Variants in ROBO2 observed in about 807,000 individuals in gnomAD.
ROBO2 encodes the protein roundabout homolog 2.
ROBO2 carries 53 observed loss-of-function variants against 160.8 expected under a neutral mutation model. That is an observed-to-expected ratio of 0.33 (90% CI 0.26 to 0.41). The LOEUF is 0.41. Ranked by LOEUF, ROBO2 falls within the 10% of genes least tolerant of loss-of-function variation. The pLI, the probability that ROBO2 is intolerant of heterozygous loss-of-function variation, is 1.00. For missense variants in ROBO2, 1,577 were observed against 1,722.4 expected, an observed-to-expected ratio of 0.92 and a Z score of 1.49; for synonymous variants, 664 against 611.7, an observed-to-expected ratio of 1.09 and a Z score of -1.26.
At chr3:77,019,558 C>T (rs529941407) in intron 2 of ROBO2, among the ~76,000 whole-genome samples, 40 of 152,130 alleles carry the variant, frequency 2.6e-4, no homozygotes, top group African/African-American at 9.2e-4. Context: ...CTTCATGAGC[C>T]GATGGGCCTT....
At chr3:77,349,287 A>G (rs1333287222) in intron 2 of ROBO2, among the ~76,000 whole-genome samples, 1 of 152,212 alleles carries the variant, frequency 6.6e-6, no homozygotes, top group East Asian at 1.9e-4. Context: ...GAAGGCAATT[A>G]TACATCTTGC....
chr3:77,621,328 A>C (rs1471070773), intron 22 of ROBO2, among the ~76,000 whole-genome samples: 1 of 152,134 alleles, frequency 6.6e-6, no homozygotes, highest in Non-Finnish European at 1.5e-5. Context: ...TGGGAGACCA[A>C]GGCAGGAGGA....
chr3:77,023,328 G>A (rs1015566804), intron 2 of ROBO2, among the ~76,000 whole-genome samples: 3 of 151,826 alleles, frequency 2.0e-5, no homozygotes, highest in Admixed American at 6.6e-5. Context: ...TCAATTAAAC[G>A]TTTTTTTTCT....
chr3:75,996,171 G>T (rs555782670), intron 2 of ROBO2, among the ~76,000 whole-genome samples: 2 of 152,232 alleles, frequency 1.3e-5, no homozygotes, highest in Admixed American at 1.3e-4. Flanking sequence ...GAAGACAGGG[G>T]CAGAATGATA....
intron 24 of ROBO2, 90 bp from the exon 27 acceptor site, chr3:77,644,614 G>A (rs2095392625): frequency 5.5e-6 from 6 of 1,086,278 alleles, no homozygotes; most frequent in Non-Finnish European, 5.6e-6. Context: ...TGGTAAAGTA[G>A]GCCATTCACA....
intron 2 of ROBO2, among the ~76,000 whole-genome samples, chr3:77,377,497 A>G (rs2072849868): frequency 6.6e-6 from 1 of 152,128 alleles, no homozygotes; most frequent in Non-Finnish European, 1.5e-5. Context: ...ATCCTCATTC[A>G]CTTTATAACT....
At chr3:76,307,121 T>A (rs926902114) in intron 2 of ROBO2, among the ~76,000 whole-genome samples, 112 of 152,344 alleles carry the variant, frequency 7.4e-4, no homozygotes, top group African/African-American at 2.7e-3. Context: ...ACTGCCTTCC[T>A]GGCAGTTCCT....
chr3:76,205,802 C>A (rs1220586921), intron 2 of ROBO2, among the ~76,000 whole-genome samples: 1 of 152,116 alleles, frequency 6.6e-6, no homozygotes, highest in East Asian at 1.9e-4. Flanking sequence ...TCTCCAGTAC[C>A]TCCGTTTGAG....
chr3:77,289,960 C>CTAA (rs2060979803), intron 2 of ROBO2, among the ~76,000 whole-genome samples: 1 of 137,190 alleles, frequency 7.3e-6, no homozygotes, highest in African/African-American at 2.8e-5. Context: ...TAGATCACCC[C>CTAA]AGACATTAAG....
chr3:77,186,945 T>C (rs1220665847), intron 2 of ROBO2, among the ~76,000 whole-genome samples: 1 of 152,014 alleles, frequency 6.6e-6, no homozygotes, highest in African/African-American at 2.4e-5. Context: ...TGATTATAAC[T>C]CACACTTGCG....
In ROBO2 at chr3:77,599,946, T is replaced by C. The variant is rs537859704; in HGVS notation, c.2855-2264T>C. Among the ~76,000 whole-genome samples, 3 of 152,240 alleles carry C rather than the reference T, an allele frequency of 2.0e-5. No homozygotes were observed. In the East Asian group the frequency reaches 5.8e-4, roughly 30 times the overall value. On this transcript the variant is annotated intron_variant, in intron 19 of 25. Transcript: ENST00000461745. ...ACAGTCATTTGTACAGATAATTATA[T>C]AAAACAAAAGGAAATAAATGTGAGT...
chr3:76,564,978 A>G (rs2084422653), intron 2 of ROBO2, among the ~76,000 whole-genome samples: 1 of 152,194 alleles, frequency 6.6e-6, no homozygotes, highest in South Asian at 2.1e-4. Context: ...GATTTTGAAG[A>G]TGAAAAAGAG....
intron 2 of ROBO2, among the ~76,000 whole-genome samples, chr3:76,358,676 AAT>A (rs1336797075): frequency 6.6e-6 from 1 of 152,034 alleles, no homozygotes; most frequent in African/African-American, 2.4e-5. Flanking sequence ...ACATTTGCTC[AAT>A]ATATATGTTT....
chr3:76,786,972 G>A (rs2063022226), intron 2 of ROBO2, among the ~76,000 whole-genome samples: 1 of 151,322 alleles, frequency 6.6e-6, no homozygotes, highest in Non-Finnish European at 1.5e-5. Context: ...TTACAATCAT[G>A]GCAGAAGATT....
At chr3:77,602,306 G>T in exon 20 of ROBO2, 1 of 1,614,076 alleles carries the variant, frequency 6.2e-7, no homozygotes, top group Non-Finnish European at 8.5e-7. Context: ...ACCAAAACCA[G>T]TTACAACAGT....
chr3:76,870,348 C>T (rs936257926), intron 2 of ROBO2, among the ~76,000 whole-genome samples: 4 of 152,178 alleles, frequency 2.6e-5, no homozygotes, highest in Admixed American at 1.3e-4. Context: ...ATTCACACTC[C>T]AGCTCTAGAG....
At chr3:77,639,747 G>T (rs1054156641) in intron 24 of ROBO2, among the ~76,000 whole-genome samples, 1 of 152,042 alleles carries the variant, frequency 6.6e-6, no homozygotes, top group African/African-American at 2.4e-5. Flanking sequence ...CACTGGACGG[G>T]GTGTGTATAT....
At chr3:76,844,621 G>C (rs1041226935) in intron 2 of ROBO2, among the ~76,000 whole-genome samples, 1 of 151,836 alleles carries the variant, frequency 6.6e-6, no homozygotes, top group Non-Finnish European at 1.5e-5. Context: ...TAAATGTTGT[G>C]TTCAAAATCC....
At chr3:76,492,417 G>C (rs1441198031) in intron 2 of ROBO2, among the ~76,000 whole-genome samples, 1 of 152,218 alleles carries the variant, frequency 6.6e-6, no homozygotes, top group Admixed American at 6.5e-5. Context: ...CCATGGTCCA[G>C]TTGCTTTCTA....
Sources: gnomAD v4.1 joint callset for allele counts (sites outside exome capture counted in the v4.1 genomes callset) on GRCh38, gnomAD v4.1.1 for gene constraint, MANE v1.5 for transcripts, NCBI Gene and HGNC (gene_info 2026-07-23, HGNC 2026-07-21) for gene names.